Variants in VSIG1 observed in about 807,000 individuals in gnomAD.
The protein encoded by VSIG1 is V-set and immunoglobulin domain-containing protein 1.
VSIG1 carries 11 observed loss-of-function variants against 20.1 expected under a neutral mutation model. The ratio of observed to expected loss-of-function variants is 0.55; its 90% CI spans 0.34 to 0.91. VSIG1 has a LOEUF of 0.91. VSIG1 is among the 40% of genes least tolerant of loss of function. The pLI is 0.02. For missense variants in VSIG1, 283 were observed against 298.8 expected (o/e 0.95, Z 0.39); for synonymous variants, 126 against 116.7 (o/e 1.08, Z -0.52).
intron 2 of VSIG1, chrX:108,061,671 C>A: frequency 2.0e-6 from 1 of 503,616 alleles, no homozygotes; most frequent in Non-Finnish European, 3.4e-6. Context: ...CCTGACAAAA[C>A]TGGGACAGTC....
chrX:108,019,888 G>C, the VSIG1 span, among the ~76,000 whole-genome samples: 2 of 111,293 alleles, frequency 1.8e-5, no homozygotes, highest in African/African-American at 3.3e-5. Context: ...TAGGATTTTA[G>C]GAACCTGAAG....
At chrX:108,045,056 G>A (rs1360384180), upstream of VSIG1, 28 of 956,916 alleles carry the variant, frequency 2.9e-5, no homozygotes, top group Non-Finnish European at 3.9e-5. Context: ...CGGTGTGATC[G>A]AAGAAGCCAA....
At chrX:108,057,338 C>T (rs906018186) in intron 1 of VSIG1, among the ~76,000 whole-genome samples, 25 of 111,145 alleles carry the variant, frequency 2.2e-4, no homozygotes, top group African/African-American at 7.9e-4. Flanking sequence ...GTGGTAAATA[C>T]ACGAATCTAC....
chrX:108,067,379 A>G (rs1446655865), intron 3 of VSIG1, among the ~76,000 whole-genome samples: 5 of 111,352 alleles, frequency 4.5e-5, no homozygotes, highest in Admixed American at 9.5e-5. Flanking sequence ...AGATGACCCA[A>G]CCTCCAGTGA....
chrX:108,027,571 G>A, the VSIG1 span, among the ~76,000 whole-genome samples: 1 of 112,089 alleles, frequency 8.9e-6, no homozygotes, highest in Non-Finnish European at 1.9e-5. Context: ...AGATGGTGAT[G>A]TTGGTTGCAC....
At chrX:108,021,641 G>C in the VSIG1 span, among the ~76,000 whole-genome samples, 4 of 112,093 alleles carry the variant, frequency 3.6e-5, no homozygotes, top group East Asian at 1.1e-3. Context: ...TCCAAAGTAC[G>C]AAGATTTACA....
chrX:108,069,227 G>C (rs2031192018), intron 3 of VSIG1, among the ~76,000 whole-genome samples: 3 of 111,485 alleles, frequency 2.7e-5, no homozygotes, highest in African/African-American at 9.8e-5. Flanking sequence ...TCATCTCAGA[G>C]GTGTTTTTTC....
chrX:108,041,978 T>C (rs1049615928), upstream of VSIG1, among the ~76,000 whole-genome samples: 15 of 110,648 alleles, frequency 1.4e-4, no homozygotes, highest in African/African-American at 4.6e-4. Flanking sequence ...GTATACCTGA[T>C]TTATTTGTTG....
At chrX:108,039,133 G>A in the VSIG1 span, among the ~76,000 whole-genome samples, 177 of 111,158 alleles carry the variant, frequency 1.6e-3, no homozygotes, top group Non-Finnish European at 2.7e-3. Context: ...TGTTAACTAG[G>A]ATACTTCACA....
chrX:108,063,327 A>G (rs807169), intron 2 of VSIG1, among the ~76,000 whole-genome samples: 54,981 of 110,105 alleles, frequency 0.5, 10,762 homozygotes, highest in African/African-American at 0.68. Context: ...TGGGAATCAG[A>G]AGGTCTGAAT....
chrX:108,066,199 C>G (rs2031121856), intron 2 of VSIG1, among the ~76,000 whole-genome samples: 1 of 111,922 alleles, frequency 8.9e-6, no homozygotes, highest in Non-Finnish European at 1.9e-5. Flanking sequence ...CACTTAATCT[C>G]TCTGGGTCTG....
At chrX:108,061,516 G>C (rs1419155544) in intron 2 of VSIG1, 1 of 1,166,074 alleles carries the variant, frequency 8.6e-7, no homozygotes, top group Non-Finnish European at 1.1e-6. Context: ...GCTCGGGGAA[G>C]ATGTAGCTGG....
In VSIG1 at chrX:108,077,746, G is replaced by A. The variant is rs181279073; in HGVS notation, c.*365G>A. The A allele has an allele frequency of 6.2e-4, 89 of 142,402 alleles. No individual in the cohort carries two copies. Among genetic ancestry groups the A allele is most frequent in the African/African-American group, 2.3e-3 (72 of 31,489 alleles). The allele number at this position is 142,402 out of a possible 1,213,427, so 11.7% of individuals were successfully genotyped here. Reference sequence around the variant, plus strand: ...ATTTTAGACAGAGTCTTGCTCCGTCGCGCAGGCTGTGATCGTAGTGGTGCG... The same window carrying A: ...ATTTTAGACAGAGTCTTGCTCCGTCACGCAGGCTGTGATCGTAGTGGTGCG... On this transcript the variant is annotated 3_prime_UTR_variant, in exon 7 of 7. Coordinates refer to ENST00000217957, the MANE Select transcript of VSIG1 (RefSeq NM_182607.5).
intron 5 of VSIG1, 70 bp from the exon 6 acceptor site, chrX:108,076,007 C>T: frequency 8.6e-7 from 1 of 1,166,926 alleles, no homozygotes; most frequent in South Asian, 1.9e-5. Context: ...ATATTCCCCA[C>T]TAGTCACAAA....
At chrX:108,047,907 C>CATATATATATATATACACAT in intron 1 of VSIG1, among the ~76,000 whole-genome samples, 1 of 29,245 alleles carries the variant, frequency 3.4e-5, no homozygotes. Context: ...TATATATACA[C>CATATATATATATATACACAT]ATATATATAT....
rs1180268582 is a variant in VSIG1 at position 108,076,120 on chromosome X, G to A, written c.732G>A (p.Leu244=). The A allele has an allele frequency of 8.3e-7, 1 of 1,211,310 alleles. No individual in the cohort carries two copies. Among genetic ancestry groups the A allele is most frequent in the South Asian group, 1.8e-5 (1 of 56,839 alleles). ...GIIVGALIGS[L]VGAAIIISVV... Reference sequence around the variant, plus strand: ...TTGTTGGGGCCTTGATTGGTAGCCTGGTAGGTGCCGCCATCATCATCTCTG... The same window carrying A: ...TTGTTGGGGCCTTGATTGGTAGCCTAGTAGGTGCCGCCATCATCATCTCTG... Residue 244 remains leucine (L), a synonymous_variant, in exon 6 of 7, where the codon CTG becomes CTA. Coordinates refer to ENST00000217957, the MANE Select transcript of VSIG1 (RefSeq NM_182607.5).
At chrX:108,041,614 G>A (rs2030482412), upstream of VSIG1, among the ~76,000 whole-genome samples, 1 of 109,140 alleles carries the variant, frequency 9.2e-6, no homozygotes, top group Admixed American at 9.9e-5. Context: ...ATAGAAAAAG[G>A]TCTGAGAAAA....
chrX:108,077,124 C>T lies in VSIG1; in HGVS notation c.907C>T (p.Leu303=), dbSNP rs138190789. ...AGACGCTACCCAACTAGAAGTAACT[C>T]TACCATCTTCCATTCATGAGACTGG... ...REDATQLEVT[L]PSSIHETGPD... Residue 303 remains leucine, a synonymous_variant, in exon 7 of 7, where the codon CTA becomes TTA. Transcript: ENST00000217957. The T allele has an allele frequency of 7.9e-4, 959 of 1,210,466 alleles. 2 individuals carry two copies. The highest frequency in any genetic ancestry group is 3.2e-4 in the South Asian group (18 of 56,842).
At position 108,077,473 on chromosome X, in the gene VSIG1, C is replaced by T. The variant is rs2031375289; in HGVS notation, c.*92C>T. 1.4e-5 allele frequency: 14 copies of T among 1,017,405 alleles called. No individual in the cohort carries two copies. Among genetic ancestry groups the T allele is most frequent in the Non-Finnish European group, 1.9e-5 (14 of 750,957 alleles). The allele number at this position is 1,017,405 out of a possible 1,213,427, so 83.8% of individuals were successfully genotyped here. On this transcript the variant is annotated 3_prime_UTR_variant, in exon 7 of 7. Coordinates refer to ENST00000217957, the MANE Select transcript of VSIG1 (RefSeq NM_182607.5). ...CTAACCAACCTCCACCTCCTCCTTCCATTTTGACCAACCTTCTTCTAACAA... is the reference window on the plus strand; with the variant it reads ...CTAACCAACCTCCACCTCCTCCTTCTATTTTGACCAACCTTCTTCTAACAA...
Sources: gnomAD v4.1 joint callset for allele counts (sites outside exome capture counted in the v4.1 genomes callset) on GRCh38, gnomAD v4.1.1 for gene constraint, MANE v1.5 for transcripts, NCBI Gene and HGNC (gene_info 2026-07-23, HGNC 2026-07-21) for gene names.